The following CLSTN2 variants were observed in gnomAD, a reference collection of about 807,000 sequenced individuals.
The protein encoded by CLSTN2 is calsyntenin-2.
A neutral mutation model predicts 101.2 loss-of-function variants in CLSTN2; 48 were observed. The observed-to-expected ratio is 0.47, with a 90% CI of 0.38 to 0.60. The LOEUF is 0.60. Among genes scored for constraint, CLSTN2 ranks in the 20% least tolerant of loss-of-function variants. CLSTN2 has a pLI of 0.00. For synonymous variants in CLSTN2, 481 were observed against 463.6 expected, an observed-to-expected ratio of 1.04 and a Z score of -0.48; for missense variants, 1,160 against 1,238.2, an observed-to-expected ratio of 0.94 and a Z score of 0.95.
At chr3:140,153,526 G>A (rs896520182) in intron 1 of CLSTN2, among the ~76,000 whole-genome samples, 2 of 152,232 alleles carry the variant, frequency 1.3e-5, no homozygotes, top group African/African-American at 2.4e-5. Context: ...TATGAAGCCT[G>A]GGTGCACCTG....
At chr3:140,322,208 C>T (rs1279565831) in intron 2 of CLSTN2, among the ~76,000 whole-genome samples, 1 of 152,214 alleles carries the variant, frequency 6.6e-6, no homozygotes, top group Non-Finnish European at 1.5e-5. Context: ...TTCTGGTCTC[C>T]ATCAGGTGGC....
At chr3:140,302,034 T>A (rs187111800) in intron 2 of CLSTN2, among the ~76,000 whole-genome samples, 23 of 152,350 alleles carry the variant, frequency 1.5e-4, no homozygotes, top group Admixed American at 3.9e-4. Context: ...GATTGGACTT[T>A]GTTTTTTGTT....
intron 10 of CLSTN2, among the ~76,000 whole-genome samples, chr3:140,555,111 G>A (rs1303130130): frequency 6.6e-6 from 1 of 152,184 alleles, no homozygotes; most frequent in Non-Finnish European, 1.5e-5. Context: ...CCCTCACTGT[G>A]AGATGCAAGC....
chr3:140,210,102 A>T (rs2010836301), intron 2 of CLSTN2, among the ~76,000 whole-genome samples: 1 of 152,158 alleles, frequency 6.6e-6, no homozygotes, highest in African/African-American at 2.4e-5. Context: ...CACATTTATT[A>T]AGAGACTTCT....
chr3:140,316,496 CCTT>C lies in CLSTN2; in HGVS notation c.233-87127_233-87125del, dbSNP rs1393200728. On this transcript the variant is annotated intron_variant, in intron 2 of 16. Transcript: ENST00000458420. ...TATTTCATTTCTTTTCCATGAAGCTCCTTCTTCTGCTACCCTGTCTTCTTTTCT... is the reference window on the plus strand; with the variant it reads ...TATTTCATTTCTTTTCCATGAAGCTCCTTCTGCTACCCTGTCTTCTTTTCT... 7.2e-5 allele frequency among the ~76,000 whole-genome samples: 11 copies of C among 152,314 alleles called. No individual in the cohort carries two copies. In the South Asian group the frequency reaches 2.1e-3, roughly 29 times the overall value.
intron 2 of CLSTN2, among the ~76,000 whole-genome samples, chr3:140,376,690 G>A (rs1029549279): frequency 6.6e-6 from 1 of 152,126 alleles, no homozygotes; most frequent in African/African-American, 2.4e-5. Flanking sequence ...TTGTCTGATT[G>A]TGCAATCACA....
At chr3:140,221,446 C>T (rs1400512392) in intron 2 of CLSTN2, among the ~76,000 whole-genome samples, 2 of 152,046 alleles carry the variant, frequency 1.3e-5, no homozygotes, top group African/African-American at 4.8e-5. Context: ...TGGAACATAT[C>T]TGGCTACAAT....
At chr3:140,493,205 A>G (rs922119068) in intron 8 of CLSTN2, among the ~76,000 whole-genome samples, 4 of 152,126 alleles carry the variant, frequency 2.6e-5, no homozygotes, top group Non-Finnish European at 2.9e-5. Context: ...ATTCTCTCAC[A>G]TGGCTTTATC....
intron 1 of CLSTN2, among the ~76,000 whole-genome samples, chr3:140,154,393 G>A (rs557716076): frequency 7.9e-4 from 120 of 152,100 alleles, no homozygotes; most frequent in African/African-American, 2.7e-3. Context: ...AGATGAGTTA[G>A]GAGTGGGTAT....
chr3:140,129,361 G>A (rs963217742), intron 1 of CLSTN2, among the ~76,000 whole-genome samples: 1 of 152,088 alleles, frequency 6.6e-6, no homozygotes. Flanking sequence ...AAAATTACTA[G>A]CAAGGACTCT....
intron 2 of CLSTN2, among the ~76,000 whole-genome samples, chr3:140,249,390 C>T (rs1445986223): frequency 6.6e-6 from 1 of 152,136 alleles, no homozygotes; most frequent in Non-Finnish European, 1.5e-5. Flanking sequence ...CAGCACTCTG[C>T]AGAGGGCTAA....
At chr3:139,968,423 G>T (rs953087741) in intron 1 of CLSTN2, among the ~76,000 whole-genome samples, 2 of 152,210 alleles carry the variant, frequency 1.3e-5, no homozygotes, top group African/African-American at 4.8e-5. Flanking sequence ...AACCCCTCAT[G>T]AGTTGATTAA....
intron 4 of CLSTN2, among the ~76,000 whole-genome samples, chr3:140,419,044 ATCTT>A (rs1559863984): frequency 9.2e-5 from 14 of 151,498 alleles, no homozygotes; most frequent in Non-Finnish European, 1.8e-4. Context: ...TAAAAAAAAA[ATCTT>A]TCAAGCATTA....
chr3:140,494,295 C>T (rs1264283353), intron 8 of CLSTN2, among the ~76,000 whole-genome samples: 4 of 152,110 alleles, frequency 2.6e-5, no homozygotes. Flanking sequence ...AAGTTTATGA[C>T]GTTCTCCTTC....
intron 5 of CLSTN2, among the ~76,000 whole-genome samples, chr3:140,426,879 TAAAG>T (rs2088569721): frequency 6.6e-6 from 1 of 152,070 alleles, no homozygotes; most frequent in Admixed American, 6.6e-5. Context: ...AAGCATCACT[TAAAG>T]AGAGAATGGG....
rs573980482 is a variant in CLSTN2, at chr3:140,349,983, G to A, written c.233-53646G>A. 9.2e-5 allele frequency among the ~76,000 whole-genome samples: 14 copies of A among 152,270 alleles called. No individual in the cohort carries two copies. In the East Asian group the frequency reaches 9.7e-4, roughly 11 times the overall value. Reference sequence around the variant, plus strand: ...TTGACATCTCTCATAGATTGAATGCGTCATCTGGATGACAGTTTTTGAAAC... The same window carrying A: ...TTGACATCTCTCATAGATTGAATGCATCATCTGGATGACAGTTTTTGAAAC... On this transcript the variant is annotated intron_variant, in intron 2 of 16. Coordinates refer to ENST00000458420, the MANE Select transcript of CLSTN2 (RefSeq NM_022131.3).
intron 2 of CLSTN2, among the ~76,000 whole-genome samples, chr3:140,339,466 C>T (rs1360290097): frequency 6.6e-6 from 1 of 151,956 alleles, no homozygotes; most frequent in Non-Finnish European, 1.5e-5. Flanking sequence ...CTAGAAGGGC[C>T]CTTCCATCAT....
intron 8 of CLSTN2, among the ~76,000 whole-genome samples, chr3:140,495,359 T>C (rs949013787): frequency 3.9e-4 from 59 of 152,212 alleles, no homozygotes; most frequent in Admixed American, 1.6e-3. Flanking sequence ...GCTCTGGGTA[T>C]TAGACCCTTG....
intron 2 of CLSTN2, among the ~76,000 whole-genome samples, chr3:140,366,331 A>G (rs1364335403): frequency 6.6e-6 from 1 of 152,228 alleles, no homozygotes; most frequent in African/African-American, 2.4e-5. Flanking sequence ...GCCTAGAGCA[A>G]TCAGTCTGAT....
Sources: gnomAD v4.1 joint callset for allele counts (sites outside exome capture counted in the v4.1 genomes callset) on GRCh38, gnomAD v4.1.1 for gene constraint, MANE v1.5 for transcripts, NCBI Gene and HGNC (gene_info 2026-07-23, HGNC 2026-07-21) for gene names.